FOXJ3: variants seen among roughly 807,000 people sequenced by gnomAD.
FOXJ3 encodes the protein forkhead box J3.
FOXJ3 carries 22 observed loss-of-function variants against 76.1 expected under a neutral mutation model. That is an observed-to-expected ratio of 0.29 (90% confidence interval 0.21 to 0.41). The LOEUF is 0.41. Among genes scored for constraint, FOXJ3 ranks in the 10% least tolerant of loss-of-function variants. The probability of loss-of-function intolerance (pLI) is 1.00; values close to 1 mark genes in which losing one functional copy is unlikely to be tolerated. For missense variants in FOXJ3, 613 were observed against 762.1 expected, an observed-to-expected ratio of 0.80 and a Z score of 2.30; for synonymous variants, 269 against 261.2, an observed-to-expected ratio of 1.03 and a Z score of -0.29.
At chr1:42,204,636 T>C (rs192480859) in intron 6 of FOXJ3, among the ~76,000 whole-genome samples, 1 of 152,214 alleles carries the variant, frequency 6.6e-6, no homozygotes, top group Admixed American at 6.5e-5. Context: ...CTGGGCCCTA[T>C]TCATGACACA....
Position 42,263,441 on chromosome 1 carries a change from A to G in FOXJ3, c.444+1674T>C, listed in dbSNP as rs868601774. On this transcript the variant is annotated intron_variant, in intron 4 of 12. Transcript: ENST00000361346. ...TTTTCAGTCTGATTCATATATACTCATTGCCTATAGGAAATGTGATAAAGA... is the reference window on the plus strand; with the variant it reads ...TTTTCAGTCTGATTCATATATACTCGTTGCCTATAGGAAATGTGATAAAGA... Among the ~76,000 whole-genome samples the G allele has an allele frequency of 1.3e-5, 2 of 152,296 alleles. 1 individual carries two copies. The highest frequency in any genetic ancestry group is 6.8e-3 in the Middle Eastern group (2 of 294).
intron 7 of FOXJ3, 57 bp from the exon 8 acceptor site, chr1:42,195,121 G>T: frequency 1.5e-6 from 2 of 1,298,804 alleles, no homozygotes; most frequent in South Asian, 1.4e-5. Flanking sequence ...CAATTGGCTT[G>T]TTATATAAAA....
chr1:42,292,616 G>C (rs1247126453), intron 2 of FOXJ3, among the ~76,000 whole-genome samples: 1 of 152,158 alleles, frequency 6.6e-6, no homozygotes, highest in African/African-American at 2.4e-5. Context: ...GAACAGAAAA[G>C]CAGATCAGTA....
rs930356975 is a variant in FOXJ3 at position 42,246,333 on chromosome 1, C to T, written c.445-18367G>A. On this transcript the variant is annotated intron_variant, in intron 4 of 12. Coordinates refer to ENST00000361346, the MANE Select transcript of FOXJ3 (RefSeq NM_014947.5). ...AATTATTTACATGCACATACACATA[C>T]ACACACACACGTACCCATTAAAAAG... Among the ~76,000 whole-genome samples the T allele has an allele frequency of 2.6e-5, 4 of 151,810 alleles. No homozygotes were observed. The East Asian group carries it at 5.8e-4, about 22-fold the overall frequency.
At position 42,199,233 on chromosome 1, in the gene FOXJ3, A is replaced by C. The variant is rs781018102; in HGVS notation, c.631-3T>G. ...TGATCAGTGTTATACAATGTTACCTAAAATGAAAAAAGAAAAATGACAATT... is the reference window on the plus strand; with the variant it reads ...TGATCAGTGTTATACAATGTTACCTCAAATGAAAAAAGAAAAATGACAATT... On this transcript the variant is annotated splice_region_variant and splice_polypyrimidine_tract_variant and intron_variant, in intron 6 of 12. Transcript: ENST00000361346. 6.2e-7 allele frequency: 1 copy of C among 1,608,982 alleles called. No homozygotes were observed. The highest frequency in any genetic ancestry group is 2.2e-5 in the East Asian group (1 of 44,818).
At position 42,308,823 on chromosome 1, in the gene FOXJ3, A is replaced by C. The variant is rs187916428; in HGVS notation, c.44+2227T>G. 3.1e-3 allele frequency among the ~76,000 whole-genome samples: 476 copies of C among 152,224 alleles called. 1 individual carries two copies. The highest frequency in any genetic ancestry group is 5.8e-3 in the Non-Finnish European group (394 of 68,002). Reference sequence around the variant, plus strand: ...AAAAGTTACACACATATTATTCCTAACCCAATGTCATATAAAGGCTTAACC... The same window carrying C: ...AAAAGTTACACACATATTATTCCTACCCCAATGTCATATAAAGGCTTAACC... On this transcript the variant is annotated intron_variant, in intron 2 of 12. Coordinates refer to ENST00000361346, the MANE Select transcript of FOXJ3 (RefSeq NM_014947.5).
At position 42,316,826 on chromosome 1, in the gene FOXJ3, G is replaced by A. The variant is rs1286249992; in HGVS notation, c.-17-5716C>T. On this transcript the variant is annotated intron_variant, in intron 1 of 12. Coordinates refer to ENST00000361346, the MANE Select transcript of FOXJ3 (RefSeq NM_014947.5). ...TCATAAGTGGGAGCTAAGCTATGAG[G>A]ATGCAAAGGCATAAGAATGATACAA... 2.0e-5 allele frequency among the ~76,000 whole-genome samples: 3 copies of A among 152,130 alleles called. No homozygotes were observed. The East Asian group carries it at 5.8e-4, about 29-fold the overall frequency.
intron 5 of FOXJ3, among the ~76,000 whole-genome samples, chr1:42,219,902 G>A (rs1647145881): frequency 6.6e-6 from 1 of 152,162 alleles, no homozygotes; most frequent in South Asian, 2.1e-4. Context: ...CTGGGCAACA[G>A]GCTGAGACTT....
intron 1 of FOXJ3, among the ~76,000 whole-genome samples, chr1:42,324,775 T>C (rs76656321): frequency 2.2e-4 from 34 of 152,214 alleles, no homozygotes; most frequent in Non-Finnish European, 2.9e-5. Flanking sequence ...ATGGTATGCC[T>C]GTATAGGACA....
At chr1:42,216,945 G>T (rs1317308476) in intron 5 of FOXJ3, among the ~76,000 whole-genome samples, 1 of 152,150 alleles carries the variant, frequency 6.6e-6, no homozygotes, top group African/African-American at 2.4e-5. Flanking sequence ...TTCATTAAAT[G>T]TTAAGTAAAT....
intron 2 of FOXJ3, among the ~76,000 whole-genome samples, chr1:42,290,207 A>G (rs1192833303): frequency 2.0e-5 from 3 of 152,142 alleles, no homozygotes; most frequent in Non-Finnish European, 4.4e-5. Flanking sequence ...CCACCAGTCA[A>G]TTCATTGGAG....
At chr1:42,197,447 A>C (rs974700475) in intron 7 of FOXJ3, among the ~76,000 whole-genome samples, 91 of 152,106 alleles carry the variant, frequency 6.0e-4, no homozygotes, top group African/African-American at 2.2e-3. Context: ...GAAATTTTAA[A>C]ATTTGCCATA....
intron 2 of FOXJ3, among the ~76,000 whole-genome samples, chr1:42,285,510 T>C (rs1304542358): frequency 6.6e-6 from 1 of 151,294 alleles, no homozygotes; most frequent in Non-Finnish European, 1.5e-5. Flanking sequence ...CATGGGAGGG[T>C]GAGAGGTGAA....
intron 4 of FOXJ3, among the ~76,000 whole-genome samples, chr1:42,248,196 C>T (rs1306055371): frequency 1.3e-5 from 2 of 152,078 alleles, no homozygotes; most frequent in Non-Finnish European, 2.9e-5. Flanking sequence ...GTGATGATTG[C>T]ACAACTTTGC....
chr1:42,248,558 C>T (rs1367246313), intron 4 of FOXJ3, among the ~76,000 whole-genome samples: 2 of 148,138 alleles, frequency 1.4e-5, no homozygotes, highest in African/African-American at 2.5e-5. Context: ...AAAAAGACAA[C>T]ATTTATGGTA....
intron 1 of FOXJ3, among the ~76,000 whole-genome samples, chr1:42,334,569 C>T (rs920116104): frequency 7.9e-5 from 12 of 152,230 alleles, no homozygotes; most frequent in Non-Finnish European, 1.6e-4. Flanking sequence ...GCATGGGCCT[C>T]CTCTCCCCAA....
intron 2 of FOXJ3, among the ~76,000 whole-genome samples, chr1:42,284,001 C>G (rs1032006675): frequency 6.6e-6 from 1 of 152,186 alleles, no homozygotes; most frequent in Non-Finnish European, 1.5e-5. Flanking sequence ...AAGCCAGATA[C>G]TGAGCATATG....
chr1:42,179,095 C>T lies in FOXJ3; in HGVS notation c.*615G>A, dbSNP rs1465686614. ...TCATGCTGCTCAGGAGCAACATGCCCCTTCGGATTGTTGGAGTGTGTCAAA... is the reference window on the plus strand; with the variant it reads ...TCATGCTGCTCAGGAGCAACATGCCTCTTCGGATTGTTGGAGTGTGTCAAA... On this transcript the variant is annotated 3_prime_UTR_variant, in exon 13 of 13. Transcript: ENST00000361346. The T allele has an allele frequency of 6.6e-6, 1 of 152,496 alleles. No individual in the cohort carries two copies. Among genetic ancestry groups the T allele is most frequent in the African/African-American group, 2.4e-5 (1 of 41,408 alleles). 9.4% of individuals were successfully genotyped at this position (152,496 alleles called of 1,614,324 possible).
chr1:42,311,650 A>AGTAGTAGTAGT (rs1553169329), intron 1 of FOXJ3, among the ~76,000 whole-genome samples: 1 of 149,502 alleles, frequency 6.7e-6, no homozygotes, highest in Non-Finnish European at 1.5e-5. Context: ...TTTAAAAAAA[A>AGTAGTAGTAGT]AGTAGTAGTA....
Sources: allele counts gnomAD v4.1 joint callset (sites outside exome capture counted in the v4.1 genomes callset), GRCh38; gene constraint gnomAD v4.1.1; transcripts MANE v1.5; gene names NCBI Gene and HGNC (gene_info 2026-07-23, HGNC 2026-07-21).